Variants in RIMS1 observed in about 807,000 individuals in gnomAD.
RIMS1 encodes the protein regulating synaptic membrane exocytosis 1.
In RIMS1, 83 loss-of-function variants were observed where a neutral mutation model predicts 214.1. The ratio of observed to expected loss-of-function variants is 0.39; its 90% confidence interval spans 0.32 to 0.47. The LOEUF (loss-of-function observed/expected upper bound fraction) is 0.47, where lower values mean the gene tolerates loss of function less well. Ranked by LOEUF, RIMS1 falls within the 20% of genes least tolerant of loss-of-function variation. The pLI is 0.99. For missense variants in RIMS1, 2,050 were observed against 2,161.8 expected (o/e 0.95, Z 1.03); for synonymous variants, 793 against 786.8 (o/e 1.01, Z -0.13).
chr6:71,892,381 A>G (rs1770180041), intron 1 of RIMS1, among the ~76,000 whole-genome samples: 1 of 152,306 alleles, frequency 6.6e-6, no homozygotes, highest in East Asian at 1.9e-4. Context: ...CTAGCTTGGC[A>G]TCTTCCTGAC....
chr6:72,095,212 C>T (rs1248456418), intron 2 of RIMS1, among the ~76,000 whole-genome samples: 2 of 150,284 alleles, frequency 1.3e-5, no homozygotes, highest in Non-Finnish European at 2.9e-5. Context: ...ATCCGCCTGC[C>T]TCGGCCTCCC....
At chr6:72,381,696 AT>A (rs1344277119) in intron 29 of RIMS1, among the ~76,000 whole-genome samples, 1 of 152,228 alleles carries the variant, frequency 6.6e-6, no homozygotes, top group Non-Finnish European at 1.5e-5. Flanking sequence ...GTTAGCTAAC[AT>A]TTTGCTGAAA....
intron 26 of RIMS1, among the ~76,000 whole-genome samples, chr6:72,306,966 G>A (rs115729913): frequency 0.012 from 1,791 of 152,108 alleles, 42 homozygotes; most frequent in African/African-American, 0.042. Context: ...ATTTGGTTTC[G>A]CATAATCATT....
intron 2 of RIMS1, among the ~76,000 whole-genome samples, chr6:71,977,115 T>A (rs1485021976): frequency 3.9e-5 from 6 of 152,124 alleles, no homozygotes; most frequent in Non-Finnish European, 8.8e-5. Context: ...TTGTAGACTG[T>A]TACCACCTCA....
At chr6:72,129,023 T>C (rs183484785) in intron 4 of RIMS1, among the ~76,000 whole-genome samples, 3 of 152,210 alleles carry the variant, frequency 2.0e-5, no homozygotes, top group Non-Finnish European at 4.4e-5. Context: ...ATTTCATTAC[T>C]GCCTTTAACA....
At chr6:72,152,847 GA>G in intron 4 of RIMS1, among the ~76,000 whole-genome samples, 1 of 65,122 alleles carries the variant, frequency 1.5e-5, no homozygotes, top group Non-Finnish European at 2.7e-5. Flanking sequence ...TGTATATATG[GA>G]ATATATGTAT....
intron 3 of RIMS1, 27 bp downstream of exon 3, chr6:72,097,189 G>A (rs538064300): frequency 2.5e-6 from 4 of 1,591,248 alleles, no homozygotes; most frequent in African/African-American, 2.7e-5. Context: ...CATAAGGGGC[G>A]TTGTGAATGT....
intron 3 of RIMS1, among the ~76,000 whole-genome samples, chr6:72,098,827 T>A (rs1056474417): frequency 6.6e-6 from 1 of 152,206 alleles, no homozygotes; most frequent in Non-Finnish European, 1.5e-5. Context: ...TTTCCTCTCC[T>A]AATAGTGGTT....
At chr6:72,200,571 A>G (rs1383482388) in intron 6 of RIMS1, among the ~76,000 whole-genome samples, 1 of 152,184 alleles carries the variant, frequency 6.6e-6, no homozygotes, top group African/African-American at 2.4e-5. Context: ...CTAATGCTCA[A>G]CAGTTTTACC....
At chr6:71,997,970 T>A (rs1803978855) in intron 2 of RIMS1, among the ~76,000 whole-genome samples, 1 of 152,028 alleles carries the variant, frequency 6.6e-6, no homozygotes. Context: ...AAGGAAGTTG[T>A]CCAGCATGAA....
At chr6:72,300,922 A>G (rs1307302377) in intron 26 of RIMS1, among the ~76,000 whole-genome samples, 2 of 151,736 alleles carry the variant, frequency 1.3e-5, no homozygotes, top group Non-Finnish European at 3.0e-5. Flanking sequence ...AAGTGATTAT[A>G]TATACAAATT....
At chr6:72,035,181 T>G (rs1819270501) in intron 2 of RIMS1, among the ~76,000 whole-genome samples, 1 of 152,136 alleles carries the variant, frequency 6.6e-6, no homozygotes, top group Non-Finnish European at 1.5e-5. Context: ...TTTATGAAGA[T>G]CTCTGTAAAG....
intron 29 of RIMS1, among the ~76,000 whole-genome samples, chr6:72,389,680 A>G (rs10485035): frequency 0.17 from 25,827 of 152,210 alleles, 2,698 homozygotes; most frequent in Non-Finnish European, 0.23. Flanking sequence ...ATATGATACT[A>G]TACAGAAACT....
At chr6:71,912,718 A>G (rs562212226) in intron 1 of RIMS1, among the ~76,000 whole-genome samples, 79 of 152,278 alleles carry the variant, frequency 5.2e-4, no homozygotes, top group African/African-American at 1.7e-3. Flanking sequence ...ATTTAATTTA[A>G]TTGAACAAAT....
intron 24 of RIMS1, among the ~76,000 whole-genome samples, chr6:72,286,236 T>A (rs1462230761): frequency 2.0e-5 from 3 of 151,902 alleles, no homozygotes; most frequent in African/African-American, 7.3e-5. Flanking sequence ...GACTACTGTG[T>A]GTAGTTATAT....
At chr6:72,152,499 A>C (rs1457399090) in intron 4 of RIMS1, among the ~76,000 whole-genome samples, 1 of 152,034 alleles carries the variant, frequency 6.6e-6, no homozygotes, top group Non-Finnish European at 1.5e-5. Flanking sequence ...TCTGTTCTCC[A>C]ACTGTATCAC....
At chr6:71,963,726 C>T (rs1793640060) in intron 1 of RIMS1, among the ~76,000 whole-genome samples, 1 of 152,044 alleles carries the variant, frequency 6.6e-6, no homozygotes, top group African/African-American at 2.4e-5. Flanking sequence ...TTAATCAAAT[C>T]ATAAAACTTT....
chr6:72,330,535 C>G (rs2096624061), intron 28 of RIMS1, among the ~76,000 whole-genome samples: 1 of 151,576 alleles, frequency 6.6e-6, no homozygotes, highest in African/African-American at 2.4e-5. Context: ...GCATAAAGTG[C>G]ATGCTGTTAT....
At chr6:72,266,417 T>G (rs1322780635) in intron 22 of RIMS1, 3 of 305,288 alleles carry the variant, frequency 9.8e-6, no homozygotes, top group African/African-American at 6.5e-5. Context: ...GAGGATCACT[T>G]TCCTCTTAGT....
Sources: gnomAD v4.1 joint callset for allele counts (sites outside exome capture counted in the v4.1 genomes callset) on GRCh38, gnomAD v4.1.1 for gene constraint, MANE v1.5 for transcripts, NCBI Gene and HGNC (gene_info 2026-07-23, HGNC 2026-07-21) for gene names.